PCDHA7: variants seen among roughly 807,000 people sequenced by gnomAD.
PCDHA7 encodes protocadherin alpha-7.
A neutral mutation model predicts 57.2 loss-of-function variants in PCDHA7; 37 were observed. The observed-to-expected ratio is 0.65, with a 90% CI of 0.50 to 0.85. The LOEUF (loss-of-function observed/expected upper bound fraction) is 0.85. PCDHA7 is among the 40% of genes least tolerant of loss of function. The probability of loss-of-function intolerance (pLI) is 0.00; values close to 1 mark genes in which losing one functional copy is unlikely to be tolerated. For missense variants in PCDHA7, 1,188 were observed against 1,241.8 expected (o/e 0.96, Z 0.65); for synonymous variants, 553 against 558.8 (o/e 0.99, Z 0.15).
At chr5:140,982,878 C>T (rs2097013352) in intron 3 of PCDHA7, among the ~76,000 whole-genome samples, 1 of 151,992 alleles carries the variant, frequency 6.6e-6, no homozygotes, top group South Asian at 2.1e-4. Flanking sequence ...TCATCCAAGC[C>T]ATGCAGAGAA....
chr5:140,958,495 C>T (rs559117374), intron 1 of PCDHA7, among the ~76,000 whole-genome samples: 1 of 152,138 alleles, frequency 6.6e-6, no homozygotes, highest in African/African-American at 2.4e-5. Context: ...TCCACATATC[C>T]TAGGAGGCAT....
At chr5:140,843,143 T>A in intron 1 of PCDHA7, 1 of 1,595,956 alleles carries the variant, frequency 6.3e-7, no homozygotes, top group Non-Finnish European at 8.6e-7. Context: ...CGCGTGGCTT[T>A]CGTATGAGCT....
rs782163702 is a variant in PCDHA7, at chr5:140,979,042, C to G, written c.2414+35C>G. 3.1e-6 allele frequency: 5 copies of G among 1,612,562 alleles called. No individual in the cohort carries two copies. The South Asian group carries it at 4.4e-5, about 14-fold the overall frequency. Reference sequence around the variant, plus strand: ...TCCCTCCTCATTCACTCAGAAGTAACCTTAACTTGGTATGGCTCAGATAAA... The same window carrying G: ...TCCCTCCTCATTCACTCAGAAGTAAGCTTAACTTGGTATGGCTCAGATAAA... On this transcript the variant is annotated intron_variant, in intron 2 of 3. Coordinates refer to ENST00000525929, the MANE Select transcript of PCDHA7 (RefSeq NM_018910.3).
chr5:140,864,410 A>T (rs1310180872), intron 1 of PCDHA7: 3 of 152,244 alleles, frequency 2.0e-5, no homozygotes, highest in Admixed American at 6.5e-5. Flanking sequence ...AGCAGGGTTG[A>T]GGCAGCTTCG....
chr5:140,838,969 A>G (rs1274095738), intron 1 of PCDHA7, among the ~76,000 whole-genome samples: 1 of 152,050 alleles, frequency 6.6e-6, no homozygotes, highest in Non-Finnish European at 1.5e-5. Flanking sequence ...CCCAGAACTG[A>G]CAATTTTCAC....
intron 1 of PCDHA7, among the ~76,000 whole-genome samples, chr5:140,908,977 A>T (rs1461491727): frequency 6.6e-6 from 1 of 152,168 alleles, no homozygotes; most frequent in Non-Finnish European, 1.5e-5. Context: ...GCCCCACTCC[A>T]CTGGACCCCT....
chr5:140,837,972 C>T (rs929090739), intron 1 of PCDHA7, among the ~76,000 whole-genome samples: 2 of 151,768 alleles, frequency 1.3e-5, no homozygotes, highest in African/African-American at 2.4e-5. Context: ...AACAACCACA[C>T]CCAGCCTGCC....
intron 1 of PCDHA7, among the ~76,000 whole-genome samples, chr5:140,872,762 G>A (rs545441914): frequency 6.6e-6 from 1 of 152,066 alleles, no homozygotes; most frequent in African/African-American, 2.4e-5. Flanking sequence ...ATGCATATAG[G>A]GCTATATTAT....
intron 1 of PCDHA7, among the ~76,000 whole-genome samples, chr5:140,903,300 T>C (rs1368072567): frequency 6.6e-6 from 1 of 152,184 alleles, no homozygotes; most frequent in Non-Finnish European, 1.5e-5. Context: ...GGAAATTTAG[T>C]ATACAATAAA....
chr5:140,924,472 GT>G (rs1436957745), intron 1 of PCDHA7, among the ~76,000 whole-genome samples: 2 of 152,188 alleles, frequency 1.3e-5, no homozygotes, highest in African/African-American at 4.8e-5. Context: ...GAGGTAACTG[GT>G]TTTTAGTGGA....
At chr5:140,883,211 T>C in intron 1 of PCDHA7, 1 of 1,613,738 alleles carries the variant, frequency 6.2e-7, no homozygotes, top group Non-Finnish European at 8.5e-7. Context: ...AGAAAAGAAA[T>C]TATATGAAAT....
intron 1 of PCDHA7, among the ~76,000 whole-genome samples, chr5:140,913,152 T>G (rs2076232515): frequency 6.6e-6 from 1 of 152,178 alleles, no homozygotes; most frequent in Admixed American, 6.5e-5. Context: ...ATAGTTTGAG[T>G]AGGATTGGTA....
At chr5:140,868,908 CTTGGTG>C in intron 1 of PCDHA7, 1 of 882,188 alleles carries the variant, frequency 1.1e-6, no homozygotes, top group Non-Finnish European at 1.7e-6. Flanking sequence ...TCGCTCTTTA[CTTGGTG>C]GAAAGTTCAT....
chr5:140,855,925 C>T, intron 1 of PCDHA7: 2 of 1,240,614 alleles, frequency 1.6e-6, no homozygotes, highest in Admixed American at 2.5e-5. Flanking sequence ...TAGGAAGTAG[C>T]GTCATTCTGA....
chr5:140,978,175 G>A (rs1163383689), intron 1 of PCDHA7, among the ~76,000 whole-genome samples: 1 of 152,170 alleles, frequency 6.6e-6, no homozygotes, highest in Admixed American at 6.5e-5. Context: ...TTTGTAGAGA[G>A]AGGGCAACAG....
In PCDHA7 at chr5:140,969,317, G is replaced by T. The variant is rs1554231675; in HGVS notation, c.2356-9632G>T. 3 of 1,614,156 alleles carry T rather than the reference G, an allele frequency of 1.9e-6. No homozygotes were observed. The East Asian group carries it at 6.7e-5, about 36-fold the overall frequency. ...CCTGATTATTCTCAAAAATGAGGCT[G>T]TTTCTCAAAATGAGGTGAGACAGTG... is the stretch of plus-strand genomic sequence containing the variant. On this transcript the variant is annotated intron_variant, in intron 1 of 3. Transcript: ENST00000525929.
chr5:140,842,896 C>G, intron 1 of PCDHA7: 1 of 1,594,370 alleles, frequency 6.3e-7, no homozygotes, highest in Non-Finnish European at 8.6e-7. Context: ...CGCTGGACCA[C>G]GAGGAGCTAG....
intron 3 of PCDHA7, among the ~76,000 whole-genome samples, chr5:141,002,755 T>A (rs894161079): frequency 1.3e-5 from 2 of 152,174 alleles, no homozygotes; most frequent in Non-Finnish European, 2.9e-5. Context: ...GACAACCCTG[T>A]GATGTAGACA....
At chr5:140,966,973 G>T in intron 1 of PCDHA7, 1 of 1,603,054 alleles carries the variant, frequency 6.2e-7, no homozygotes. Flanking sequence ...GGCTTGAGCT[G>T]CGGCGCTTGG....
Sources: gnomAD v4.1 joint callset for allele counts (sites outside exome capture counted in the v4.1 genomes callset) on GRCh38, gnomAD v4.1.1 for gene constraint, MANE v1.5 for transcripts, NCBI Gene and HGNC (gene_info 2026-07-23, HGNC 2026-07-21) for gene names.